Variants in STK33 observed in about 807,000 individuals in gnomAD.
STK33 encodes serine/threonine-protein kinase 33.
A neutral mutation model predicts 58.0 loss-of-function variants in STK33; 52 were observed. The ratio of observed to expected loss-of-function variants is 0.90; its 90% CI spans 0.72 to 1.13. The LOEUF (loss-of-function observed/expected upper bound fraction) is 1.13. Among genes scored for constraint, STK33 ranks in the 50% most tolerant of loss-of-function variants. The pLI is 0.00. For missense variants in STK33, 630 were observed against 604.2 expected, an observed-to-expected ratio of 1.04 and a Z score of -0.45; for synonymous variants, 215 against 200.1, an observed-to-expected ratio of 1.07 and a Z score of -0.63.
chr11:8,467,823 T>C (rs1377611493), intron 6 of STK33, among the ~76,000 whole-genome samples: 1 of 152,098 alleles, frequency 6.6e-6, no homozygotes, highest in Non-Finnish European at 1.5e-5. Flanking sequence ...CCTGTGCCTA[T>C]AATCCCAGCT....
In STK33 at chr11:8,473,242, G is replaced by C. The variant is rs1289993481; in HGVS notation, c.260C>G (p.Ser87Cys). ...GTTGCCCCGACCCCATTGTTGCTGA[G>C]ATGCTTTTCTCTCTACATTTGAGGT... is the stretch of plus-strand genomic sequence containing the variant. ...SRTSNVERKA[S>C]QQQWGRGNFT... The change falls in exon 6 of 16, where the codon TCT becomes TGT. Residue 87 changes from serine (S) to cysteine (C), a missense_variant. Physicochemically the swap from Ser to Cys is moderately radical, Grantham distance 112. Transcript: ENST00000687296. The C allele has an allele frequency of 1.9e-6, 3 of 1,612,116 alleles. No homozygotes were observed. The highest frequency in any genetic ancestry group is 1.7e-5 in the Admixed American group (1 of 59,848).
chr11:8,565,447 C>T (rs945148152), intron 1 of STK33, among the ~76,000 whole-genome samples: 4 of 151,990 alleles, frequency 2.6e-5, no homozygotes, highest in Non-Finnish European at 5.9e-5. Context: ...CTTCTGCATC[C>T]GATAACAGAG....
chr11:8,398,363 G>C (rs2135168449), intron 15 of STK33, among the ~76,000 whole-genome samples: 1 of 152,224 alleles, frequency 6.6e-6, no homozygotes, highest in Admixed American at 6.5e-5. Context: ...GCCAAACTAA[G>C]TTTCATAAGT....
chr11:8,517,732 G>A (rs1181923731), intron 1 of STK33, among the ~76,000 whole-genome samples: 1 of 152,136 alleles, frequency 6.6e-6, no homozygotes, highest in African/African-American at 2.4e-5. Context: ...GAGGAGGAAA[G>A]GGTATCAGTG....
rs192231733 is a variant in STK33 at position 8,516,617 on chromosome 11, C to T, written c.-465-36003G>A. On this transcript the variant is annotated intron_variant, in intron 1 of 15. Coordinates refer to ENST00000687296, the MANE Select transcript of STK33 (RefSeq NM_001352389.2). The stretch of plus-strand genomic sequence containing the variant: ...CCGTGATAGATGGTACCTGGAAAAT[C>T]GGGGCACTCCCACCCTAATAGTGCA... 1.5e-3 allele frequency among the ~76,000 whole-genome samples: 222 copies of T among 152,308 alleles called. 5 individuals carry two copies. The South Asian group carries it at 0.026, about 18-fold the overall frequency.
chr11:8,464,758 T>A lies in STK33; in HGVS notation c.404A>T (p.Asp135Val). 6.2e-7 allele frequency: 1 copy of A among 1,613,916 alleles called. No homozygotes were observed. Among genetic ancestry groups the A allele is most frequent in the East Asian group, 2.2e-5 (1 of 44,866 alleles). Residue 135 changes from aspartate (D) to valine (V), a missense_variant, in exon 7 of 16, where the codon GAC becomes GTC. Transcript: ENST00000687296. ...GSFGIVIEATDKETETKWAIK... is the reference protein window; with the variant it reads ...GSFGIVIEATVKETETKWAIK... ...TGCCCACTTCGTTTCTGTTTCCTTGTCTGTCGCTTCAATGACTATTCCAAA... is the reference window on the plus strand; with the variant it reads ...TGCCCACTTCGTTTCTGTTTCCTTGACTGTCGCTTCAATGACTATTCCAAA...
the STK33 span, among the ~76,000 whole-genome samples, chr11:8,343,035 C>G: frequency 6.6e-6 from 1 of 152,208 alleles, no homozygotes; most frequent in Non-Finnish European, 1.5e-5. Context: ...TTAAGAAGTC[C>G]GCTGGGAGAA....
chr11:8,380,779 G>A, the STK33 span, among the ~76,000 whole-genome samples: 1 of 152,178 alleles, frequency 6.6e-6, no homozygotes, highest in Admixed American at 6.5e-5. Context: ...AAAGACACCT[G>A]CACATGTATG....
chr11:8,474,082 G>A (rs377195159), intron 5 of STK33, among the ~76,000 whole-genome samples: 2 of 151,982 alleles, frequency 1.3e-5, no homozygotes, highest in South Asian at 2.1e-4. Context: ...GGTTGAGCTA[G>A]GAAAATCACT....
chr11:8,494,722 G>C (rs1044649650), intron 1 of STK33, among the ~76,000 whole-genome samples: 1 of 152,144 alleles, frequency 6.6e-6, no homozygotes, highest in Non-Finnish European at 1.5e-5. Flanking sequence ...AACCAAAACA[G>C]CCTGGTACTG....
the STK33 span, among the ~76,000 whole-genome samples, chr11:8,354,049 G>A: frequency 6.6e-6 from 1 of 152,100 alleles, no homozygotes; most frequent in Non-Finnish European, 1.5e-5. Context: ...GACTGGGCAC[G>A]AGTGTCCTGC....
chr11:8,476,577 CA>C (rs1236244496), intron 4 of STK33, 109 bp downstream of exon 4: 2 of 152,336 alleles, frequency 1.3e-5, no homozygotes, highest in African/African-American at 4.8e-5. Flanking sequence ...GCTCTTCCCT[CA>C]AACATTCACA....
At chr11:8,464,222 A>G (rs957118118) in intron 7 of STK33, among the ~76,000 whole-genome samples, 18 of 152,214 alleles carry the variant, frequency 1.2e-4, no homozygotes, top group African/African-American at 3.4e-4. Flanking sequence ...AGCAGATAAA[A>G]GAGTATAGCA....
chr11:8,425,004 T>G lies in STK33; in HGVS notation c.1146+10490A>C, dbSNP rs961575090. On this transcript the variant is annotated intron_variant, in intron 14 of 15. Coordinates refer to ENST00000687296, the MANE Select transcript of STK33 (RefSeq NM_001352389.2). ...CTTCAGTTTAATTAGATCCCATTTG[T>G]CAATTTTGGCTTTTGTTGCCATTGC... is the stretch of plus-strand genomic sequence containing the variant. Among the ~76,000 whole-genome samples, 9 of 140,364 alleles carry G rather than the reference T, an allele frequency of 6.4e-5. No individual in the cohort carries two copies. The Admixed American group carries it at 6.5e-4, about 10-fold the overall frequency. 92.1% of individuals were successfully genotyped at this position (140,364 alleles called of 152,430 possible). A position where few individuals can be genotyped will look rare whatever the true frequency, so the allele number is the denominator to read the frequency against.
chr11:8,341,056 T>A, the STK33 span, among the ~76,000 whole-genome samples: 2 of 152,104 alleles, frequency 1.3e-5, no homozygotes, highest in African/African-American at 4.8e-5. Flanking sequence ...CGGGGTTTCA[T>A]CATGTTGGCC....
At chr11:8,391,424 T>C (rs997915614), downstream of STK33, among the ~76,000 whole-genome samples, 2 of 152,202 alleles carry the variant, frequency 1.3e-5, no homozygotes, top group African/African-American at 4.8e-5. Context: ...TCATTCGGAA[T>C]CACAATAGTG....
At chr11:8,487,421 C>CAAA (rs35061686) in intron 1 of STK33, among the ~76,000 whole-genome samples, 16 of 102,994 alleles carry the variant, frequency 1.6e-4, no homozygotes, top group South Asian at 2.9e-4. Flanking sequence ...GACCCAGTCT[C>CAAA]AAAAAAAAAA....
At chr11:8,384,162 A>G in the STK33 span, among the ~76,000 whole-genome samples, 5 of 151,938 alleles carry the variant, frequency 3.3e-5, no homozygotes, top group African/African-American at 4.8e-5. Context: ...AGAGATGATC[A>G]TATATGGATA....
intron 1 of STK33, among the ~76,000 whole-genome samples, chr11:8,521,632 T>C (rs1249580093): frequency 1.3e-5 from 2 of 152,152 alleles, no homozygotes; most frequent in Non-Finnish European, 2.9e-5. Flanking sequence ...AAATGGGATC[T>C]AATTAAACTA....
Sources: gnomAD v4.1 joint callset for allele counts (sites outside exome capture counted in the v4.1 genomes callset) on GRCh38, gnomAD v4.1.1 for gene constraint, MANE v1.5 for transcripts, NCBI Gene and HGNC (gene_info 2026-07-23, HGNC 2026-07-21) for gene names.